MAGI2: variants seen among roughly 807,000 people sequenced by gnomAD.
MAGI2 encodes membrane-associated guanylate kinase, WW and PDZ domain-containing protein 2.
Under a neutral mutation model 133.3 loss-of-function variants are expected in MAGI2, and 35 were observed. That is an observed-to-expected ratio of 0.26 (90% confidence interval 0.20 to 0.35). The LOEUF (loss-of-function observed/expected upper bound fraction) is 0.35, where lower values mean the gene tolerates loss of function less well. Among genes scored for constraint, MAGI2 ranks in the 10% least tolerant of loss-of-function variants. The probability of loss-of-function intolerance (pLI) is 1.00; values close to 1 mark genes in which losing one functional copy is unlikely to be tolerated. For synonymous variants in MAGI2, 729 were observed against 710.6 expected, an observed-to-expected ratio of 1.03 and a Z score of -0.41; for missense variants, 1,636 against 1,863.4, an observed-to-expected ratio of 0.88 and a Z score of 2.25.
chr7:79,073,131 C>A (rs528018845), intron 1 of MAGI2, among the ~76,000 whole-genome samples: 2 of 152,166 alleles, frequency 1.3e-5, no homozygotes, highest in Admixed American at 6.5e-5. Flanking sequence ...AAGCACCATG[C>A]ATTTGTCTTC....
At chr7:78,560,795 A>G (rs1310537139) in intron 3 of MAGI2, among the ~76,000 whole-genome samples, 1 of 152,174 alleles carries the variant, frequency 6.6e-6, no homozygotes, top group African/African-American at 2.4e-5. Context: ...ATAAAGCTGG[A>G]TTATCTGCTG....
chr7:78,976,721 A>G (rs1438429649), intron 2 of MAGI2, among the ~76,000 whole-genome samples: 1 of 150,954 alleles, frequency 6.6e-6, no homozygotes, highest in Non-Finnish European at 1.5e-5. Context: ...TACAAAAAAA[A>G]AACAAAAACA....
chr7:78,608,467 G>C (rs1309402959), intron 3 of MAGI2, among the ~76,000 whole-genome samples: 1 of 148,238 alleles, frequency 6.7e-6, no homozygotes, highest in East Asian at 2.0e-4. Flanking sequence ...ATATGTGTGT[G>C]TATGTATATA....
chr7:78,865,303 C>T (rs1794468137), intron 2 of MAGI2, among the ~76,000 whole-genome samples: 1 of 152,086 alleles, frequency 6.6e-6, no homozygotes, highest in Admixed American at 6.5e-5. Flanking sequence ...TTAAGGACTC[C>T]TGGCAAGTGG....
At chr7:79,403,542 A>T (rs1002142238) in intron 1 of MAGI2, among the ~76,000 whole-genome samples, 3 of 152,150 alleles carry the variant, frequency 2.0e-5, no homozygotes, top group Admixed American at 1.3e-4. Context: ...AAATAACCAC[A>T]GTCAAAATTT....
chr7:79,138,232 A>G (rs1286060388), intron 1 of MAGI2, among the ~76,000 whole-genome samples: 1 of 152,168 alleles, frequency 6.6e-6, no homozygotes, highest in Non-Finnish European at 1.5e-5. Flanking sequence ...CATAGTAGCC[A>G]TAGGAAACAA....
chr7:78,681,907 A>G (rs1815709281), intron 2 of MAGI2, among the ~76,000 whole-genome samples: 2 of 152,138 alleles, frequency 1.3e-5, no homozygotes, highest in Non-Finnish European at 2.9e-5. Context: ...TGACAACCTA[A>G]TTACACCAAC....
At chr7:78,901,204 T>C (rs962191498) in intron 2 of MAGI2, 1 of 152,208 alleles carries the variant, frequency 6.6e-6, no homozygotes, top group Admixed American at 6.5e-5. Flanking sequence ...CTGTTGTTAG[T>C]GATTTAACAG....
At chr7:79,451,497 T>C (rs1332402613) in intron 1 of MAGI2, among the ~76,000 whole-genome samples, 2 of 152,198 alleles carry the variant, frequency 1.3e-5, no homozygotes, top group African/African-American at 2.4e-5. Flanking sequence ...ATCCCTTCAG[T>C]GTTAAATAGT....
chr7:79,162,630 A>G (rs951651352), intron 1 of MAGI2, among the ~76,000 whole-genome samples: 1 of 152,234 alleles, frequency 6.6e-6, no homozygotes, highest in South Asian at 2.1e-4. Flanking sequence ...TCTACTTACT[A>G]TAGAATTAAA....
chr7:78,496,671 T>C (rs1057483721), intron 5 of MAGI2, among the ~76,000 whole-genome samples: 1 of 152,144 alleles, frequency 6.6e-6, no homozygotes, highest in Non-Finnish European at 1.5e-5. Flanking sequence ...TCTGTGACCT[T>C]GGGAATGTTA....
intron 1 of MAGI2, among the ~76,000 whole-genome samples, chr7:79,186,667 C>T (rs1229072623): frequency 7.8e-5 from 9 of 114,746 alleles, no homozygotes; most frequent in Admixed American, 5.1e-4. Flanking sequence ...AAACAAAGGA[C>T]GTTTACATTT....
chr7:78,330,260 T>C (rs914659300), intron 9 of MAGI2, among the ~76,000 whole-genome samples: 1 of 152,182 alleles, frequency 6.6e-6, no homozygotes, highest in Non-Finnish European at 1.5e-5. Context: ...TAGAAGACTC[T>C]ATGATGATTA....
intron 6 of MAGI2, among the ~76,000 whole-genome samples, chr7:78,444,921 A>G (rs1490857696): frequency 1.3e-5 from 2 of 149,420 alleles, no homozygotes; most frequent in African/African-American, 4.9e-5. Flanking sequence ...ATATATGTAA[A>G]CTAATATATA....
At chr7:79,240,594 G>C (rs1220242043) in intron 1 of MAGI2, among the ~76,000 whole-genome samples, 1 of 151,984 alleles carries the variant, frequency 6.6e-6, no homozygotes, top group Non-Finnish European at 1.5e-5. Flanking sequence ...TTTCTCTGCT[G>C]TTCTTATCTC....
At chr7:78,311,863 C>G (rs983094939) in intron 9 of MAGI2, among the ~76,000 whole-genome samples, 1 of 151,896 alleles carries the variant, frequency 6.6e-6, no homozygotes, top group Non-Finnish European at 1.5e-5. Context: ...CTCTGCCTCC[C>G]GGATTGAAGT....
Position 79,300,454 on chromosome 7 carries a change from T to C in MAGI2, c.301+152566A>G, listed in dbSNP as rs1469654557. 5.9e-5 allele frequency among the ~76,000 whole-genome samples: 9 copies of C among 152,274 alleles called. No homozygotes were observed. In the East Asian group the frequency reaches 1.7e-3, roughly 29 times the overall value. On this transcript the variant is annotated intron_variant, in intron 1 of 21. Coordinates refer to ENST00000354212, the MANE Select transcript of MAGI2 (RefSeq NM_012301.4). The stretch of plus-strand genomic sequence containing the variant: ...AAGTATTGAACTTCAAAGTGATGAT[T>C]TAGGGTATCTGGTAGAAGATATTTT...
intron 20 of MAGI2, among the ~76,000 whole-genome samples, chr7:78,108,670 A>G (rs554296796): frequency 2.8e-5 from 4 of 143,162 alleles, no homozygotes; most frequent in South Asian, 2.3e-4. Context: ...GTGTGTGTGT[A>G]TACACACATA....
At chr7:78,524,998 A>G (rs944203979) in intron 3 of MAGI2, among the ~76,000 whole-genome samples, 2 of 152,148 alleles carry the variant, frequency 1.3e-5, no homozygotes, top group African/African-American at 4.8e-5. Flanking sequence ...CCTGAAGTAA[A>G]AAAACCTTTT....
Sources: allele counts gnomAD v4.1 joint callset (sites outside exome capture counted in the v4.1 genomes callset), GRCh38; gene constraint gnomAD v4.1.1; transcripts MANE v1.5; gene names NCBI Gene and HGNC (gene_info 2026-07-23, HGNC 2026-07-21).